P4HA2: variants seen among roughly 807,000 people sequenced by gnomAD.
P4HA2 encodes prolyl 4-hydroxylase subunit alpha-2.
Under a neutral mutation model 76.9 loss-of-function variants are expected in P4HA2, and 46 were observed. The observed-to-expected ratio is 0.60, with a 90% confidence interval of 0.47 to 0.76. The LOEUF is 0.76. Ranked by LOEUF, P4HA2 falls within the 30% of genes least tolerant of loss-of-function variation. The probability of loss-of-function intolerance (pLI) is 0.00; values close to 1 mark genes in which losing one functional copy is unlikely to be tolerated. For synonymous variants in P4HA2, 243 were observed against 254.0 expected, an observed-to-expected ratio of 0.96 and a Z score of 0.41; for missense variants, 583 against 669.4, an observed-to-expected ratio of 0.87 and a Z score of 1.42.
Position 132,210,064 on chromosome 5 carries a change from C to T in P4HA2, c.709+220G>A, listed in dbSNP as rs937512042. ...GGCCCACAAGTGCCACAGGCCTGAG[C>T]GTATCTATCAGCGACTGCGCAAACC... On this transcript the variant is annotated intron_variant, in intron 6 of 14. Transcript: ENST00000360568. 2.0e-5 allele frequency among the ~76,000 whole-genome samples: 3 copies of T among 152,170 alleles called. No homozygotes were observed. The South Asian group carries it at 6.2e-4, about 32-fold the overall frequency.
chr5:132,203,633 C>T (rs931209037), intron 10 of P4HA2, 115 bp downstream of exon 10: 1 of 687,418 alleles, frequency 1.5e-6, no homozygotes, highest in African/African-American at 1.8e-5. Context: ...ATATTCATAG[C>T]ATCAGGCAGT....
At chr5:132,203,979 G>C in intron 9 of P4HA2, 103 bp downstream of exon 9, 1 of 1,154,672 alleles carries the variant, frequency 8.7e-7, no homozygotes, top group East Asian at 2.3e-5. Flanking sequence ...GGGTGAGGAG[G>C]TGCCAGCAGG....
intron 1 of P4HA2, among the ~76,000 whole-genome samples, chr5:132,223,287 C>T (rs985684187): frequency 1.3e-5 from 2 of 152,166 alleles, no homozygotes; most frequent in Admixed American, 1.3e-4. Context: ...TTTTTTGAGA[C>T]AGTCTCGCTC....
intron 4 of P4HA2, 100 bp downstream of exon 4, chr5:132,217,097 C>T: frequency 8.9e-7 from 1 of 1,124,422 alleles, no homozygotes; most frequent in Non-Finnish European, 1.3e-6. Flanking sequence ...AATGTACTTG[C>T]CCACCAACAC....
rs200192422 is a variant in P4HA2 at position 132,207,718 on chromosome 5, G to A, written c.1070C>T (p.Ala357Val). 16 of 1,613,608 alleles carry A rather than the reference G, an allele frequency of 9.9e-6. No individual in the cohort carries two copies. Among genetic ancestry groups the A allele is most frequent in the Non-Finnish European group, 1.2e-5 (14 of 1,179,770 alleles). Residue 357 changes from alanine to valine, a missense_variant, in exon 8 of 15, where the codon GCA becomes GTA. Transcript: ENST00000360568. ...TACAGTGACACCTACTTTAGGTTTT[G>A]CGATCTCCTTGATCCTCTCGATTTC... is the stretch of plus-strand genomic sequence containing the variant. Reference protein sequence around the residue: ...DEEIERIKEIAKPKLARATVR... With the variant: ...DEEIERIKEIVKPKLARATVR...
intron 1 of P4HA2, among the ~76,000 whole-genome samples, chr5:132,224,857 C>CT (rs1305785791): frequency 1.3e-5 from 2 of 152,100 alleles, no homozygotes; most frequent in Admixed American, 1.3e-4. Flanking sequence ...AGGCCACACT[C>CT]TAAGCAAGCA....
intron 6 of P4HA2, among the ~76,000 whole-genome samples, chr5:132,209,562 C>T (rs1027884605): frequency 7.9e-5 from 12 of 152,204 alleles, no homozygotes; most frequent in Non-Finnish European, 7.4e-5. Context: ...GCGGGTGGAT[C>T]ACGTGAGGTC....
intron 5 of P4HA2, 37 bp from the exon 6 acceptor site, chr5:132,210,560 G>A (rs1398872243): frequency 6.2e-7 from 1 of 1,611,682 alleles, no homozygotes; most frequent in Non-Finnish European, 8.5e-7. Context: ...GCTCCAAAGA[G>A]CCTCTGGATT....
intron 1 of P4HA2, among the ~76,000 whole-genome samples, chr5:132,225,992 A>G (rs1392483926): frequency 6.6e-6 from 1 of 152,194 alleles, no homozygotes; most frequent in Non-Finnish European, 1.5e-5. Context: ...TGTAAGAACA[A>G]GGAGGCCCTA....
chr5:132,218,723 A>G, intron 1 of P4HA2, 79 bp from the exon 2 acceptor site: 1 of 808,986 alleles, frequency 1.2e-6, no homozygotes, highest in Non-Finnish European at 2.1e-6. Context: ...ATAGGCATGT[A>G]CACACATATG....
chr5:132,214,250 C>T (rs1473273893), intron 4 of P4HA2, among the ~76,000 whole-genome samples, 197 bp from the exon 5 acceptor site: 3 of 151,988 alleles, frequency 2.0e-5, no homozygotes, highest in Non-Finnish European at 2.9e-5. Context: ...TTTCTTACTC[C>T]TCACCATACC....
At chr5:132,220,572 G>T (rs529530281) in intron 1 of P4HA2, among the ~76,000 whole-genome samples, 1 of 152,324 alleles carries the variant, frequency 6.6e-6, no homozygotes, top group African/African-American at 2.4e-5. Flanking sequence ...TTCCAGGGAG[G>T]AAGTCTGTCC....
At chr5:132,223,782 A>G (rs1320280396) in intron 1 of P4HA2, among the ~76,000 whole-genome samples, 1 of 152,350 alleles carries the variant, frequency 6.6e-6, no homozygotes, top group East Asian at 1.9e-4. Context: ...GATACAAATG[A>G]CAAACAGCTG....
At chr5:132,217,051 G>C in intron 4 of P4HA2, 146 bp downstream of exon 4, 1 of 630,230 alleles carries the variant, frequency 1.6e-6, no homozygotes, top group South Asian at 2.9e-5. Flanking sequence ...ACAGAGAAGG[G>C]AGAGAGCCAT....
At chr5:132,215,522 A>G (rs1227707882) in intron 4 of P4HA2, among the ~76,000 whole-genome samples, 2 of 152,190 alleles carry the variant, frequency 1.3e-5, no homozygotes, top group Non-Finnish European at 2.9e-5. Flanking sequence ...CAGTGAGCTC[A>G]CTGGGCACAG....
At position 132,190,356 on chromosome 5, in the gene P4HA2, A is replaced by G. The variant is rs1226065582; in HGVS notation, c.*2654T>C. Among the ~76,000 whole-genome samples, 1 of 152,208 alleles carries G rather than the reference A, an allele frequency of 6.6e-6. No individual in the cohort carries two copies. Among genetic ancestry groups the G allele is most frequent in the Admixed American group, 6.5e-5 (1 of 15,270 alleles). On this transcript the variant is annotated 3_prime_UTR_variant, in exon 15 of 15. Coordinates refer to ENST00000360568, the MANE Select transcript of P4HA2 (RefSeq NM_001017974.2). ...CCACTCTGTAAACTACATTTCCCAG[A>G]TTCCCTTATCAGCTGGCTTCCTGTT...
chr5:132,222,115 A>G (rs1003489134), intron 1 of P4HA2: 1 of 152,310 alleles, frequency 6.6e-6, no homozygotes, highest in Admixed American at 6.5e-5. Context: ...TTAACAATGT[A>G]TTTAACAGCC....
At position 132,191,152 on chromosome 5, in the gene P4HA2, C is replaced by T. The variant is rs923149669; in HGVS notation, c.*1858G>A. Among the ~76,000 whole-genome samples, 4 of 152,222 alleles carry T rather than the reference C, an allele frequency of 2.6e-5. No homozygotes were observed. Among genetic ancestry groups the T allele is most frequent in the Admixed American group, 6.5e-5 (1 of 15,282 alleles). The stretch of plus-strand genomic sequence containing the variant: ...TTCATAAGGGCACTAATCCCACTCA[C>T]GTGGGCTCCATGCTTACGACCTCCC... On this transcript the variant is annotated 3_prime_UTR_variant, in exon 15 of 15. Coordinates refer to ENST00000360568, the MANE Select transcript of P4HA2 (RefSeq NM_001017974.2).
intron 8 of P4HA2, among the ~76,000 whole-genome samples, chr5:132,205,973 T>C (rs1752155024): frequency 6.6e-6 from 1 of 152,190 alleles, no homozygotes; most frequent in African/African-American, 2.4e-5. Flanking sequence ...GTTAAGCTCA[T>C]TGGCTCTACT....
Sources: allele counts gnomAD v4.1 joint callset (sites outside exome capture counted in the v4.1 genomes callset), GRCh38; gene constraint gnomAD v4.1.1; transcripts MANE v1.5; gene names NCBI Gene and HGNC (gene_info 2026-07-23, HGNC 2026-07-21).